The following MCTP2 variants were observed in gnomAD, a reference collection of about 807,000 sequenced individuals.
MCTP2 encodes multiple C2 and transmembrane domain containing 2, also known as multiple C2 and transmembrane domain-containing protein 2.
MCTP2 carries 132 observed loss-of-function variants against 111.6 expected under a neutral mutation model. The ratio of observed to expected loss-of-function variants is 1.18; its 90% CI spans 1.03 to 1.37. The LOEUF is 1.37. MCTP2 is among the 40% of genes most tolerant of loss of function. The probability of loss-of-function intolerance (pLI) is 0.00; values close to 1 mark genes in which losing one functional copy is unlikely to be tolerated. For synonymous variants in MCTP2, 395 were observed against 387.7 expected, an observed-to-expected ratio of 1.02 and a Z score of -0.22; for missense variants, 1,183 against 1,067.9, an observed-to-expected ratio of 1.11 and a Z score of -1.50.
chr15:94,468,500 A>ATGAT (rs2073611913), intron 20 of MCTP2, among the ~76,000 whole-genome samples: 2 of 152,238 alleles, frequency 1.3e-5, no homozygotes, highest in African/African-American at 4.8e-5. Flanking sequence ...AAGGTTAGAA[A>ATGAT]TCATAGAGAA....
chr15:94,362,119 A>G (rs2078974198), intron 10 of MCTP2, among the ~76,000 whole-genome samples: 1 of 152,144 alleles, frequency 6.6e-6, no homozygotes. Flanking sequence ...TGTGTTGCCT[A>G]CCGACTCCAG....
At chr15:94,348,213 G>C (rs929808633) in intron 8 of MCTP2, among the ~76,000 whole-genome samples, 4 of 151,362 alleles carry the variant, frequency 2.6e-5, no homozygotes, top group Admixed American at 6.6e-5. Flanking sequence ...GTTCCTCTCT[G>C]TTATTGCAAA....
At chr15:94,408,510 G>A (rs1442677287) in intron 17 of MCTP2, among the ~76,000 whole-genome samples, 2 of 151,902 alleles carry the variant, frequency 1.3e-5, no homozygotes, top group Non-Finnish European at 2.9e-5. Flanking sequence ...GTTTTTTTCA[G>A]CACTTTTTTA....
intron 20 of MCTP2, among the ~76,000 whole-genome samples, chr15:94,465,825 A>ATTCTTTTAGGAAACACTCTTGCTG (rs532969967): frequency 9.2e-5 from 14 of 152,266 alleles, no homozygotes; most frequent in African/African-American, 2.9e-4. Context: ...CACTCTTGCT[A>ATTCTTTTAGGAAACACTCTTGCTG]TTCTTTTAGT....
intron 17 of MCTP2, among the ~76,000 whole-genome samples, chr15:94,430,918 A>G (rs2083152206): frequency 6.6e-6 from 1 of 152,020 alleles, no homozygotes; most frequent in Non-Finnish European, 1.5e-5. Flanking sequence ...TTTCTTCCCT[A>G]ATTACCTCAC....
At chr15:94,336,777 G>A (rs1352819756) in intron 4 of MCTP2, among the ~76,000 whole-genome samples, 5 of 151,476 alleles carry the variant, frequency 3.3e-5, no homozygotes, top group Admixed American at 6.6e-5. Flanking sequence ...ATGTATATAT[G>A]TACTGCTGTG....
chr15:94,409,415 A>G (rs1247800875), intron 17 of MCTP2, among the ~76,000 whole-genome samples: 1 of 152,146 alleles, frequency 6.6e-6, no homozygotes, highest in African/African-American at 2.4e-5. Context: ...GATGCCAAGC[A>G]GAGCTCTACC....
chr15:94,328,228 A>G (rs913683067), intron 4 of MCTP2, among the ~76,000 whole-genome samples: 1 of 149,950 alleles, frequency 6.7e-6, no homozygotes, highest in African/African-American at 2.5e-5. Context: ...TCCCGGGTTC[A>G]TACCATTCTC....
rs116786835 is a variant in MCTP2, at chr15:94,476,698, A to G, written c.2473A>G (p.Ile825Val). ...PLRYIILIWG[I>V]NKFTKKLRNP... ...TCTCCTGTGTTTCTATTTTTCAGGCATAAATAAATTTACTAAGAAGCTTCG... is the reference window on the plus strand; with the variant it reads ...TCTCCTGTGTTTCTATTTTTCAGGCGTAAATAAATTTACTAAGAAGCTTCG... Residue 825 changes from isoleucine to valine, a missense_variant and splice_region_variant, in exon 22 of 23, where the codon ATA becomes GTA. Coordinates refer to ENST00000357742, the MANE Select transcript of MCTP2 (RefSeq NM_001385001.1). The G allele has an allele frequency of 4.6e-6, 7 of 1,538,056 alleles. No individual in the cohort carries two copies. The South Asian group carries it at 7.8e-5, about 17-fold the overall frequency.
intron 10 of MCTP2, among the ~76,000 whole-genome samples, chr15:94,361,692 A>AT (rs939402917): frequency 1.3e-5 from 2 of 152,110 alleles, no homozygotes. Flanking sequence ...AATTCAATGT[A>AT]TTTTTTTCCT....
At chr15:94,430,202 G>A (rs1040702749) in intron 17 of MCTP2, among the ~76,000 whole-genome samples, 1 of 151,836 alleles carries the variant, frequency 6.6e-6, no homozygotes, top group Non-Finnish European at 1.5e-5. Context: ...TCTGCTTCCC[G>A]CCCTCTTGGC....
At chr15:94,336,169 C>G (rs961006451) in intron 4 of MCTP2, among the ~76,000 whole-genome samples, 1 of 152,176 alleles carries the variant, frequency 6.6e-6, no homozygotes, top group Non-Finnish European at 1.5e-5. Context: ...GGCACCACAC[C>G]GCTCTAGTCA....
At chr15:94,455,704 C>T (rs541670798) in intron 19 of MCTP2, among the ~76,000 whole-genome samples, 2 of 152,276 alleles carry the variant, frequency 1.3e-5, no homozygotes, top group Admixed American at 6.5e-5. Context: ...GGCTTACAGG[C>T]GTGAGCCACC....
At chr15:94,272,170 G>C (rs2073938953) in intron 1 of MCTP2, among the ~76,000 whole-genome samples, 2 of 152,196 alleles carry the variant, frequency 1.3e-5, no homozygotes, top group African/African-American at 4.8e-5. Flanking sequence ...GTGAAGAAGT[G>C]AATTGCCTTC....
chr15:94,281,002 C>G (rs903965287), intron 1 of MCTP2, among the ~76,000 whole-genome samples: 1 of 152,024 alleles, frequency 6.6e-6, no homozygotes, highest in Non-Finnish European at 1.5e-5. Flanking sequence ...TATGATGGAT[C>G]TTAGGGTATG....
intron 4 of MCTP2, among the ~76,000 whole-genome samples, chr15:94,334,679 G>A (rs2077273393): frequency 6.6e-6 from 1 of 151,974 alleles, no homozygotes; most frequent in South Asian, 2.1e-4. Flanking sequence ...GGGACCACAG[G>A]CACATGCAAC....
chr15:94,325,812 A>ATTCTTTTTTTTTTTTTTTTTTTTTTTTT (rs2076837646), intron 4 of MCTP2, among the ~76,000 whole-genome samples: 1 of 91,878 alleles, frequency 1.1e-5, no homozygotes, highest in Non-Finnish European at 2.1e-5. Context: ...CATCGCTCCG[A>ATTCTTTTTTTTTTTTTTTTTTTTTTTTT]TTTTTTTTTT....
At chr15:94,452,427 C>G (rs144020638) in intron 19 of MCTP2, among the ~76,000 whole-genome samples, 1 of 152,304 alleles carries the variant, frequency 6.6e-6, no homozygotes, top group Non-Finnish European at 1.5e-5. Flanking sequence ...AGCCATCAAG[C>G]TTGAGTTGGG....
intron 4 of MCTP2, among the ~76,000 whole-genome samples, chr15:94,316,841 T>C (rs1016161869): frequency 2.6e-5 from 4 of 152,162 alleles, no homozygotes; most frequent in Non-Finnish European, 5.9e-5. Flanking sequence ...GAGTTCTTTT[T>C]CTTGCTTCGG....
Sources: gnomAD v4.1 joint callset for allele counts (sites outside exome capture counted in the v4.1 genomes callset) on GRCh38, gnomAD v4.1.1 for gene constraint, MANE v1.5 for transcripts, NCBI Gene and HGNC (gene_info 2026-07-23, HGNC 2026-07-21) for gene names.